The following ARMC3 variants were observed in gnomAD, a reference collection of about 807,000 sequenced individuals.
The protein encoded by ARMC3 is armadillo repeat-containing protein 3.
Under a neutral mutation model 90.3 loss-of-function variants are expected in ARMC3, and 74 were observed. The observed-to-expected ratio is 0.82, with a 90% CI of 0.68 to 0.99. ARMC3 has a LOEUF of 0.99. Ranked by LOEUF, ARMC3 falls within the 50% of genes least tolerant of loss-of-function variation. The pLI is 0.00. For missense variants in ARMC3, 958 were observed against 1,042.8 expected (o/e 0.92, Z 1.12); for synonymous variants, 334 against 361.8 (o/e 0.92, Z 0.87).
intron 10 of ARMC3, among the ~76,000 whole-genome samples, 190 bp from the exon 11 acceptor site, chr10:22,997,958 T>C (rs568540997): frequency 2.0e-5 from 3 of 152,364 alleles, no homozygotes; most frequent in East Asian, 3.9e-4. Flanking sequence ...TTTAAATTCA[T>C]TCATAGCTCA....
At chr10:23,029,940 A>C (rs1009566547) in intron 16 of ARMC3, among the ~76,000 whole-genome samples, 2 of 152,164 alleles carry the variant, frequency 1.3e-5, no homozygotes, top group Admixed American at 6.6e-5. Flanking sequence ...AGAAGGTCTT[A>C]ACTGAAGTAA....
At chr10:23,019,921 C>T (rs995619827) in intron 16 of ARMC3, among the ~76,000 whole-genome samples, 1 of 152,198 alleles carries the variant, frequency 6.6e-6, no homozygotes, top group African/African-American at 2.4e-5. Context: ...GGCCTTTCCA[C>T]TCAGTGTAAT....
intron 16 of ARMC3, chr10:23,014,335 T>G: frequency 7.3e-7 from 1 of 1,366,468 alleles, no homozygotes; most frequent in Non-Finnish European, 9.5e-7. Flanking sequence ...CCCTTCTCTC[T>G]TCCCTTCTTA....
chr10:22,981,283 A>G, intron 8 of ARMC3, 57 bp from the exon 9 acceptor site: 6 of 1,464,326 alleles, frequency 4.1e-6, no homozygotes, highest in Non-Finnish European at 5.5e-6. Flanking sequence ...GAAAGTAGTA[A>G]TACTTCGCAG....
At chr10:22,932,068 G>A in intron 2 of ARMC3, 24 bp downstream of exon 2, 3 of 1,572,604 alleles carry the variant, frequency 1.9e-6, no homozygotes, top group Non-Finnish European at 2.6e-6. Context: ...TTGAATACTA[G>A]TAGCACTTTA....
chr10:22,945,152 C>T (rs1477617379), intron 2 of ARMC3, among the ~76,000 whole-genome samples: 1 of 152,224 alleles, frequency 6.6e-6, no homozygotes, highest in Admixed American at 6.5e-5. Context: ...CTCTTCCAAA[C>T]TCACACAATC....
intron 8 of ARMC3, among the ~76,000 whole-genome samples, chr10:22,978,879 A>C (rs1156948200): frequency 6.6e-6 from 1 of 152,222 alleles, no homozygotes; most frequent in Admixed American, 6.5e-5. Context: ...AGACAAGGTC[A>C]TGCATTGTCA....
intron 13 of ARMC3, among the ~76,000 whole-genome samples, chr10:23,005,130 G>A (rs1837524124): frequency 6.7e-6 from 1 of 148,886 alleles, no homozygotes; most frequent in Non-Finnish European, 1.5e-5. Context: ...GGAGAATGGC[G>A]TGAACCCGGA....
At chr10:22,977,768 T>C (rs1835997952) in intron 8 of ARMC3, among the ~76,000 whole-genome samples, 1 of 152,260 alleles carries the variant, frequency 6.6e-6, no homozygotes, top group Non-Finnish European at 1.5e-5. Context: ...GCTTGATTCT[T>C]GGAACCTCTA....
intron 2 of ARMC3, among the ~76,000 whole-genome samples, chr10:22,936,571 T>C (rs1834121367): frequency 6.6e-6 from 1 of 152,216 alleles, no homozygotes; most frequent in East Asian, 1.9e-4. Flanking sequence ...TTTTTGTAAA[T>C]AATTTTATCA....
At chr10:23,005,271 G>C (rs1165790806) in intron 13 of ARMC3, among the ~76,000 whole-genome samples, 2 of 151,292 alleles carry the variant, frequency 1.3e-5, no homozygotes, top group African/African-American at 4.9e-5. Context: ...AAAACTGACG[G>C]GAAAAGCCGA....
At chr10:23,014,885 T>C (rs1438180778) in intron 16 of ARMC3, among the ~76,000 whole-genome samples, 1 of 110,176 alleles carries the variant, frequency 9.1e-6, no homozygotes, top group Non-Finnish European at 1.8e-5. Flanking sequence ...TGAGATAATC[T>C]GTACAAAAAA....
chr10:22,938,116 A>T (rs1432989156), intron 2 of ARMC3, among the ~76,000 whole-genome samples: 4 of 152,192 alleles, frequency 2.6e-5, no homozygotes, highest in African/African-American at 7.2e-5. Flanking sequence ...TTTAAATAGA[A>T]TCTTGGGCAG....
At position 23,023,203 on chromosome 10, in the gene ARMC3, G is replaced by A. The variant is rs546670246; in HGVS notation, c.2046-7393G>A. Among the ~76,000 whole-genome samples the A allele has an allele frequency of 7.2e-5, 11 of 152,176 alleles. No individual in the cohort carries two copies. In the South Asian group the frequency reaches 1.5e-3, roughly 20 times the overall value. On this transcript the variant is annotated intron_variant, in intron 16 of 18. Transcript: ENST00000298032. ...GAGTCCCAGAACGGGGAAACCCCTC[G>A]TATTCCTTCAGATAACACCAGGAGG...
chr10:22,993,413 A>G (rs938436402), intron 10 of ARMC3, among the ~76,000 whole-genome samples: 2 of 152,242 alleles, frequency 1.3e-5, no homozygotes, highest in Admixed American at 1.3e-4. Context: ...GCATGAGGGC[A>G]GGGAGGAAAT....
At position 22,932,508 on chromosome 10, in the gene ARMC3, C is replaced by T. The variant is rs183884956; in HGVS notation, c.48+464C>T. 9.2e-5 allele frequency among the ~76,000 whole-genome samples: 14 copies of T among 152,334 alleles called. 1 individual carries two copies. Among genetic ancestry groups the T allele is most frequent in the Admixed American group, 6.5e-4 (10 of 15,300 alleles). ...CAGTTCTATCGAGAGACTAGTCTGG[C>T]ATCATCATTTTTATTCCAAATGCTA... On this transcript the variant is annotated intron_variant, in intron 2 of 18. Coordinates refer to ENST00000298032, the MANE Select transcript of ARMC3 (RefSeq NM_173081.5).
At chr10:23,017,183 T>A (rs548844319) in intron 16 of ARMC3, among the ~76,000 whole-genome samples, 1 of 152,316 alleles carries the variant, frequency 6.6e-6, no homozygotes, top group African/African-American at 2.4e-5. Flanking sequence ...CATTCAATGA[T>A]ACATGATTAA....
chr10:22,956,113 A>T (rs1027797683), intron 4 of ARMC3, among the ~76,000 whole-genome samples, 181 bp downstream of exon 4: 3 of 152,236 alleles, frequency 2.0e-5, no homozygotes, highest in African/African-American at 7.2e-5. Flanking sequence ...TAATTTTAAA[A>T]TAAGAAAACA....
chr10:22,959,989 C>G (rs12245991), intron 6 of ARMC3: 1 of 360,466 alleles, frequency 2.8e-6, no homozygotes. Flanking sequence ...TGCTAAAAAT[C>G]TAGTGATTTT....
Sources: gnomAD v4.1 joint callset for allele counts (sites outside exome capture counted in the v4.1 genomes callset) on GRCh38, gnomAD v4.1.1 for gene constraint, MANE v1.5 for transcripts, NCBI Gene and HGNC (gene_info 2026-07-23, HGNC 2026-07-21) for gene names.